Variants in KLHDC1 observed in about 807,000 individuals in gnomAD.
KLHDC1 encodes kelch domain-containing protein 1.
KLHDC1 carries 53 observed loss-of-function variants against 68.3 expected under a neutral mutation model. The observed-to-expected ratio is 0.78, with a 90% CI of 0.62 to 0.98. The LOEUF (loss-of-function observed/expected upper bound fraction) is 0.98. KLHDC1 is among the 50% of genes least tolerant of loss of function. The probability of loss-of-function intolerance (pLI) is 0.00; values close to 1 mark genes in which losing one functional copy is unlikely to be tolerated. For synonymous variants in KLHDC1, 148 were observed against 159.0 expected, an observed-to-expected ratio of 0.93 and a Z score of 0.52; for missense variants, 470 against 492.3, an observed-to-expected ratio of 0.95 and a Z score of 0.43.
chr14:49,743,353 T>C (rs1438182729), intron 11 of KLHDC1, among the ~76,000 whole-genome samples: 1 of 149,248 alleles, frequency 6.7e-6, no homozygotes, highest in African/African-American at 2.5e-5. Flanking sequence ...TGAGTGGAGA[T>C]TGCACCACTG....
At chr14:49,718,612 A>G (rs1888438982) in intron 4 of KLHDC1, among the ~76,000 whole-genome samples, 2 of 151,940 alleles carry the variant, frequency 1.3e-5, no homozygotes, top group South Asian at 4.2e-4. Context: ...TTTATTCTGT[A>G]GTATCAGTAG....
chr14:49,708,965 A>T (rs941874010), intron 1 of KLHDC1, among the ~76,000 whole-genome samples, 194 bp from the exon 2 acceptor site: 1 of 151,692 alleles, frequency 6.6e-6, no homozygotes, highest in African/African-American at 2.4e-5. Flanking sequence ...TTGATCCTTT[A>T]TTGTTTTCCC....
intron 12 of KLHDC1, 143 bp downstream of exon 12, chr14:49,743,948 A>G: frequency 1.7e-6 from 1 of 571,656 alleles, no homozygotes; most frequent in Admixed American, 3.4e-5. Flanking sequence ...GAGTATAATC[A>G]AATTTATAAT....
At chr14:49,730,481 A>C (rs1594673689) in intron 8 of KLHDC1, among the ~76,000 whole-genome samples, 1 of 152,150 alleles carries the variant, frequency 6.6e-6, no homozygotes, top group South Asian at 2.1e-4. Flanking sequence ...TGGCCTCCCA[A>C]AGTGCTGGGA....
intron 4 of KLHDC1, among the ~76,000 whole-genome samples, chr14:49,713,819 TATATATATATATA>T (rs1566602761): frequency 2.8e-3 from 8 of 2,812 alleles, no homozygotes; most frequent in South Asian, 0.02. Flanking sequence ...TATATATATA[TATATATATATATA>T]TATATATATA....
intron 1 of KLHDC1, among the ~76,000 whole-genome samples, chr14:49,699,311 T>C (rs562485177): frequency 6.6e-6 from 1 of 152,050 alleles, no homozygotes; most frequent in South Asian, 2.1e-4. Flanking sequence ...CTGAGTCTAC[T>C]ACTTTTTTAA....
intron 1 of KLHDC1, among the ~76,000 whole-genome samples, chr14:49,694,110 T>A (rs1469083808): frequency 2.0e-5 from 3 of 152,156 alleles, no homozygotes; most frequent in Admixed American, 2.0e-4. Flanking sequence ...TGACTATTTT[T>A]TCTAGTCTCA....
intron 1 of KLHDC1, among the ~76,000 whole-genome samples, chr14:49,701,378 G>A (rs1464427911): frequency 1.3e-5 from 2 of 151,768 alleles, no homozygotes; most frequent in Non-Finnish European, 2.9e-5. Context: ...ACTGATTTTT[G>A]GCCAGGCACA....
At chr14:49,749,479 T>A (rs1473397393) in intron 12 of KLHDC1, among the ~76,000 whole-genome samples, 1 of 151,762 alleles carries the variant, frequency 6.6e-6, no homozygotes, top group Non-Finnish European at 1.5e-5. Context: ...AGTTCAAGAC[T>A]AGCCTGGCCA....
Position 49,732,740 on chromosome 14 carries a change from A to G in KLHDC1, c.747A>G (p.Ser249=), listed in dbSNP as rs149009717. The change falls in exon 9 of 13, where the codon TCA becomes TCG. Residue 249 remains serine (S), a synonymous_variant. Transcript: ENST00000359332. ...ATGGAGAAAGCCCAAAACATCGGTC[A>G]TGGCATACTTTAACACCTATAGCTG... The part of the protein sequence containing the change: ...TINGESPKHR[S]WHTLTPIADD... The G allele has an allele frequency of 5.1e-4, 822 of 1,609,560 alleles. No homozygotes were observed. The highest frequency in any genetic ancestry group is 4.4e-4 in the Non-Finnish European group (513 of 1,176,264).
At chr14:49,703,948 G>T (rs867538645) in intron 1 of KLHDC1, among the ~76,000 whole-genome samples, 5 of 152,176 alleles carry the variant, frequency 3.3e-5, no homozygotes, top group Middle Eastern at 3.2e-3. Flanking sequence ...ACAAGGGCAT[G>T]TACATTCCCT....
Position 49,752,884 on chromosome 14 carries a change from A to T in KLHDC1, c.*1112A>T, listed in dbSNP as rs559501377. 6.6e-6 allele frequency: 1 copy of T among 152,216 alleles called. No homozygotes were observed. Among genetic ancestry groups the T allele is most frequent in the Non-Finnish European group, 1.5e-5 (1 of 67,988 alleles). 9.4% of individuals were successfully genotyped at this position (152,216 alleles called of 1,614,324 possible). A position where few individuals can be genotyped will look rare whatever the true frequency, so the allele number is the denominator to read the frequency against. On this transcript the variant is annotated 3_prime_UTR_variant, in exon 13 of 13. Transcript: ENST00000359332. ...TAAAATTATTCTCCACAATATTACC[A>T]TGCAAGTTATCTCTGAAATTTAAAA...
intron 12 of KLHDC1, among the ~76,000 whole-genome samples, chr14:49,744,354 T>C (rs1889142536): frequency 6.6e-6 from 1 of 152,288 alleles, no homozygotes; most frequent in East Asian, 1.9e-4. Flanking sequence ...GTCACTGTTT[T>C]GTTTGTAAAA....
Position 49,728,987 on chromosome 14 carries a change from A to T in KLHDC1, c.629A>T (p.Tyr210Phe). Residue 210 changes from tyrosine (Y) to phenylalanine (F), a missense_variant, in exon 7 of 13, where the codon TAT becomes TTT. Tyr to Phe is a conservative substitution (Grantham distance 22). Coordinates refer to ENST00000359332, the MANE Select transcript of KLHDC1 (RefSeq NM_172193.3). Reference sequence around the variant, plus strand: ...TGTGCAGTTCTTGGAAATAAGGGTTATATCTTTGGCGGACGTGTTCTGGTT... The same window carrying T: ...TGTGCAGTTCTTGGAAATAAGGGTTTTATCTTTGGCGGACGTGTTCTGGTT... ...HTCAVLGNKGYIFGGRVLQTR... is the reference protein window; with the variant it reads ...HTCAVLGNKGFIFGGRVLQTR... 1 of 1,613,274 alleles carries T rather than the reference A, an allele frequency of 6.2e-7. No individual in the cohort carries two copies. The highest frequency in any genetic ancestry group is 8.5e-7 in the Non-Finnish European group (1 of 1,179,230).
intron 1 of KLHDC1, among the ~76,000 whole-genome samples, chr14:49,704,396 T>G (rs1887992373): frequency 7.7e-6 from 1 of 129,742 alleles, no homozygotes. Context: ...TGTTTTTTTT[T>G]TTTTTTTTTT....
intron 8 of KLHDC1, among the ~76,000 whole-genome samples, chr14:49,731,149 G>C: frequency 6.6e-6 from 1 of 152,112 alleles, no homozygotes; most frequent in Non-Finnish European, 1.5e-5. Context: ...GTGTATTGGC[G>C]CATGCTTGTA....
chr14:49,722,193 A>G (rs1371616977), intron 4 of KLHDC1, among the ~76,000 whole-genome samples: 3 of 152,162 alleles, frequency 2.0e-5, no homozygotes, highest in Non-Finnish European at 4.4e-5. Flanking sequence ...TTTGTTACAT[A>G]TGTATACATG....
chr14:49,723,865 G>A lies in KLHDC1; in HGVS notation c.405-9G>A, dbSNP rs1449256393. Reference sequence around the variant, plus strand: ...TCCTAAAGTGTGTCATTTCGTATTTGTTTTTCAGACTAATATATTTTGGTG... The same window carrying A: ...TCCTAAAGTGTGTCATTTCGTATTTATTTTTCAGACTAATATATTTTGGTG... On this transcript the variant is annotated splice_polypyrimidine_tract_variant and intron_variant, in intron 4 of 12. Transcript: ENST00000359332. 2 of 1,528,688 alleles carry A rather than the reference G, an allele frequency of 1.3e-6. No homozygotes were observed. The highest frequency in any genetic ancestry group is 1.8e-5 in the Admixed American group (1 of 54,306). 94.7% of individuals were successfully genotyped at this position (1,528,688 alleles called of 1,614,324 possible).
At chr14:49,698,119 C>A (rs1007477300) in intron 1 of KLHDC1, among the ~76,000 whole-genome samples, 1 of 152,150 alleles carries the variant, frequency 6.6e-6, no homozygotes, top group African/African-American at 2.4e-5. Flanking sequence ...CTGCTCTATT[C>A]TTGATGTTGT....
Sources: allele counts gnomAD v4.1 joint callset (sites outside exome capture counted in the v4.1 genomes callset), GRCh38; gene constraint gnomAD v4.1.1; transcripts MANE v1.5; gene names NCBI Gene and HGNC (gene_info 2026-07-23, HGNC 2026-07-21).